Variants in KAZN observed in about 807,000 individuals in gnomAD.
KAZN encodes kazrin, periplakin interacting protein, also known as kazrin.
A neutral mutation model predicts 87.4 loss-of-function variants in KAZN; 40 were observed. That is an observed-to-expected ratio of 0.46 (90% CI 0.36 to 0.60). The LOEUF (loss-of-function observed/expected upper bound fraction) is 0.60. Among genes scored for constraint, KAZN ranks in the 20% least tolerant of loss-of-function variants. KAZN has a pLI of 0.00. For synonymous variants in KAZN, 466 were observed against 458.3 expected, an observed-to-expected ratio of 1.02 and a Z score of -0.22; for missense variants, 898 against 1,073.9, an observed-to-expected ratio of 0.84 and a Z score of 2.29.
chr1:13,920,598 G>GT (rs150875724), intron 1 of KAZN, among the ~76,000 whole-genome samples: 3,145 of 152,298 alleles, frequency 0.021, 105 homozygotes, highest in African/African-American at 0.071. Flanking sequence ...CTTCTGGCTG[G>GT]TTTTGGTCAG....
chr1:14,186,846 G>A (rs190855660), intron 2 of KAZN, among the ~76,000 whole-genome samples: 7 of 152,250 alleles, frequency 4.6e-5, no homozygotes, highest in African/African-American at 1.4e-4. Flanking sequence ...TAGGGACAGA[G>A]AGGGACAGAA....
intron 1 of KAZN, among the ~76,000 whole-genome samples, chr1:14,074,185 C>A (rs1638934613): frequency 6.6e-6 from 1 of 152,260 alleles, no homozygotes; most frequent in East Asian, 1.9e-4. Flanking sequence ...CCCTACCTCA[C>A]AAATGCACCT....
chr1:14,028,838 G>A (rs1290486020), intron 1 of KAZN, among the ~76,000 whole-genome samples: 2 of 151,978 alleles, frequency 1.3e-5, no homozygotes, highest in Non-Finnish European at 2.9e-5. Flanking sequence ...ATTCCATGGT[G>A]TATATGTGCC....
intron 2 of KAZN, among the ~76,000 whole-genome samples, chr1:15,024,325 G>A (rs879726617): frequency 2.0e-5 from 3 of 152,214 alleles, no homozygotes; most frequent in East Asian, 1.9e-4. Context: ...GGTCGTTGGC[G>A]ACCGGCATGG....
At chr1:14,793,245 CG>C (rs1463362933) in intron 1 of KAZN, among the ~76,000 whole-genome samples, 4 of 152,066 alleles carry the variant, frequency 2.6e-5, no homozygotes, top group Non-Finnish European at 5.9e-5. Context: ...ATGGCATCTC[CG>C]GGGGTAGCCT....
chr1:14,834,491 A>G (rs980619581), intron 1 of KAZN, among the ~76,000 whole-genome samples: 1 of 149,530 alleles, frequency 6.7e-6, no homozygotes, highest in African/African-American at 2.5e-5. Flanking sequence ...CCTCCCAAGT[A>G]GCTGGGACTA....
At chr1:14,470,614 C>G (rs1037505094) in intron 2 of KAZN, among the ~76,000 whole-genome samples, 1 of 152,122 alleles carries the variant, frequency 6.6e-6, no homozygotes, top group Non-Finnish European at 1.5e-5. Context: ...TATTTTTCTT[C>G]TTGGAAAGCC....
At chr1:14,431,324 A>G (rs143042489) in intron 2 of KAZN, among the ~76,000 whole-genome samples, 1 of 152,200 alleles carries the variant, frequency 6.6e-6, no homozygotes, top group African/African-American at 2.4e-5. Flanking sequence ...TAGTTAATTT[A>G]TCCAAGCCCA....
intron 4 of KAZN, 133 bp from the exon 5 acceptor site, chr1:15,055,958 C>A: frequency 1.2e-6 from 1 of 844,620 alleles, no homozygotes; most frequent in Non-Finnish European, 1.9e-6. Flanking sequence ...CCAATTGACG[C>A]TCGATGCCGA....
chr1:15,110,572 C>T (rs1641568926), intron 13 of KAZN, among the ~76,000 whole-genome samples: 1 of 50,456 alleles, frequency 2.0e-5, no homozygotes, highest in Admixed American at 1.9e-4. Flanking sequence ...TGTGTGTATC[C>T]TCTCATTTAG....
chr1:14,490,186 G>A (rs1669572702), intron 2 of KAZN, among the ~76,000 whole-genome samples: 1 of 152,184 alleles, frequency 6.6e-6, no homozygotes, highest in Non-Finnish European at 1.5e-5. Flanking sequence ...TGATTTGTCT[G>A]CTCTTATCTT....
chr1:14,916,532 C>T (rs1241056179), intron 1 of KAZN, among the ~76,000 whole-genome samples: 3 of 152,116 alleles, frequency 2.0e-5, no homozygotes, highest in African/African-American at 7.2e-5. Context: ...AGAAACTTTC[C>T]TACTTGAACT....
At chr1:15,103,283 G>A (rs1641150716) in intron 11 of KAZN, 76 bp from the exon 12 acceptor site, 1 of 1,054,012 alleles carries the variant, frequency 9.5e-7, no homozygotes, top group Non-Finnish European at 1.4e-6. Flanking sequence ...AAAAAGAGAT[G>A]CGGGGCACCC....
intron 2 of KAZN, among the ~76,000 whole-genome samples, chr1:14,971,740 G>GGAAT (rs1665071665): frequency 7.0e-6 from 1 of 142,718 alleles, no homozygotes; most frequent in Non-Finnish European, 1.5e-5. Context: ...GGAATGCAGT[G>GGAAT]GCGCGATCTC....
chr1:15,076,779 C>T (rs742662), intron 8 of KAZN, among the ~76,000 whole-genome samples: 29,724 of 152,130 alleles, frequency 0.2, 4,743 homozygotes, highest in African/African-American at 0.45. Flanking sequence ...TTAGCCGTCA[C>T]GACTGCACTG....
intron 1 of KAZN, among the ~76,000 whole-genome samples, chr1:14,900,753 C>CA (rs34012645): frequency 0.69 from 91,572 of 131,912 alleles, 33,666 homozygotes; most frequent in Non-Finnish European, 0.8. Flanking sequence ...GACTCCATCT[C>CA]AAAAAAAAAA....
chr1:14,096,070 A>G (rs1644120880), intron 1 of KAZN, among the ~76,000 whole-genome samples: 5 of 152,238 alleles, frequency 3.3e-5, no homozygotes, highest in Admixed American at 2.6e-4. Context: ...GGCTCAGTCT[A>G]CTACTAATAA....
At chr1:14,151,885 A>G (rs1570882931) in intron 1 of KAZN, among the ~76,000 whole-genome samples, 1 of 152,324 alleles carries the variant, frequency 6.6e-6, no homozygotes, top group East Asian at 1.9e-4. Flanking sequence ...TTGTGGTATG[A>G]CATTATGTAA....
rs1227171635 is a variant in KAZN, at chr1:15,021,914, G to A, written c.419-12835G>A. Among the ~76,000 whole-genome samples, 2 of 151,770 alleles carry A rather than the reference G, an allele frequency of 1.3e-5. No individual in the cohort carries two copies. The highest frequency in any genetic ancestry group is 2.4e-5 in the African/African-American group (1 of 41,294). ...GTTGGGGAGGCCTCATAATCATGGCGGAAGGCAAAAGACACTTCTTACATG... is the reference window on the plus strand; with the variant it reads ...GTTGGGGAGGCCTCATAATCATGGCAGAAGGCAAAAGACACTTCTTACATG... On this transcript the variant is annotated intron_variant, in intron 2 of 14. Coordinates refer to ENST00000376030, the MANE Select transcript of KAZN (RefSeq NM_201628.3). The surrounding 1 kb of genome is among the most constrained non-coding windows in gnomAD (Gnocchi z 4.2).
Sources: allele counts gnomAD v4.1 joint callset (sites outside exome capture counted in the v4.1 genomes callset), GRCh38; gene constraint gnomAD v4.1.1; non-coding constraint Gnocchi (gnomAD v3.1); transcripts MANE v1.5; gene names NCBI Gene and HGNC (gene_info 2026-07-23, HGNC 2026-07-21).